GALNTL6: variants seen among roughly 807,000 people sequenced by gnomAD.
The protein encoded by GALNTL6 is polypeptide N-acetylgalactosaminyltransferase-like 6.
A neutral mutation model predicts 73.7 loss-of-function variants in GALNTL6; 46 were observed. The observed-to-expected ratio is 0.62, with a 90% CI of 0.49 to 0.80. The LOEUF (loss-of-function observed/expected upper bound fraction) is 0.80, where lower values mean the gene tolerates loss of function less well. Ranked by LOEUF, GALNTL6 falls within the 30% of genes least tolerant of loss-of-function variation. The pLI, the probability that GALNTL6 is intolerant of heterozygous loss-of-function variation, is 0.00. For missense variants in GALNTL6, 604 were observed against 755.0 expected (o/e 0.80, Z 2.34); for synonymous variants, 259 against 263.7 (o/e 0.98, Z 0.17).
intron 5 of GALNTL6, among the ~76,000 whole-genome samples, chr4:172,640,899 A>G (rs1158987938): frequency 6.6e-6 from 1 of 152,100 alleles, no homozygotes; most frequent in Non-Finnish European, 1.5e-5. Context: ...AGATTCATAT[A>G]TATGATAGTT....
intron 5 of GALNTL6, among the ~76,000 whole-genome samples, chr4:172,753,262 T>C (rs1053491687): frequency 1.3e-5 from 2 of 152,160 alleles, no homozygotes; most frequent in Non-Finnish European, 2.9e-5. Flanking sequence ...TCTGCCATGA[T>C]TGTGAAGCCC....
chr4:171,926,440 A>T (rs957268758), intron 2 of GALNTL6, among the ~76,000 whole-genome samples: 7 of 152,004 alleles, frequency 4.6e-5, no homozygotes, highest in African/African-American at 1.7e-4. Context: ...TGTTTCTCTA[A>T]TGTGTCTCTG....
Position 172,308,790 on chromosome 4 carries a change from C to T in GALNTL6, c.248-2824C>T, listed in dbSNP as rs567115710. Among the ~76,000 whole-genome samples the T allele has an allele frequency of 1.2e-4, 19 of 152,210 alleles. No homozygotes were observed. In the South Asian group the frequency reaches 3.3e-3, roughly 27 times the overall value. ...TTTATGTCGTTTAAACATTTCCGCACGTTATATGGCTAATTTCTAACTATG... is the reference window on the plus strand; with the variant it reads ...TTTATGTCGTTTAAACATTTCCGCATGTTATATGGCTAATTTCTAACTATG... On this transcript the variant is annotated intron_variant, in intron 3 of 12. Coordinates refer to ENST00000506823, the MANE Select transcript of GALNTL6 (RefSeq NM_001034845.3).
intron 8 of GALNTL6, among the ~76,000 whole-genome samples, chr4:172,893,260 A>T (rs1010327086): frequency 6.6e-6 from 1 of 152,084 alleles, no homozygotes; most frequent in African/African-American, 2.4e-5. Flanking sequence ...ACCCTTCCCA[A>T]AACAGTGTTG....
intron 2 of GALNTL6, among the ~76,000 whole-genome samples, chr4:172,148,512 A>G (rs1476452613): frequency 1.3e-5 from 2 of 152,232 alleles, no homozygotes; most frequent in Non-Finnish European, 2.9e-5. Flanking sequence ...AAAAGAGAAC[A>G]TAAGGCACTG....
At chr4:171,939,000 G>A (rs13144190) in intron 2 of GALNTL6, among the ~76,000 whole-genome samples, 1 of 151,966 alleles carries the variant, frequency 6.6e-6, no homozygotes. Context: ...CACAATAGTA[G>A]GTGGTGGTTG....
chr4:172,760,839 C>T (rs1384113727), intron 5 of GALNTL6, among the ~76,000 whole-genome samples: 3 of 152,282 alleles, frequency 2.0e-5, no homozygotes, highest in Non-Finnish European at 4.4e-5. Flanking sequence ...TAGGGCCTTT[C>T]GTGATTGGTG....
rs114409102 is a variant in GALNTL6 at position 172,089,560 on chromosome 4, T to C, written c.139-140096T>C. ...TGTTTGGAGATTCATAGCCCAATAT[T>C]GGAGGAAACTGAATATTCAGGATTA... is the stretch of plus-strand genomic sequence containing the variant. On this transcript the variant is annotated intron_variant, in intron 2 of 12. Transcript: ENST00000506823. 8.2e-3 allele frequency among the ~76,000 whole-genome samples: 1,252 copies of C among 152,130 alleles called. 19 individuals are homozygous for C. Among genetic ancestry groups the C allele is most frequent in the African/African-American group, 0.028 (1,178 of 41,488 alleles).
At chr4:172,180,417 G>A (rs1017767221) in intron 2 of GALNTL6, among the ~76,000 whole-genome samples, 1 of 147,760 alleles carries the variant, frequency 6.8e-6, no homozygotes, top group South Asian at 2.1e-4. Flanking sequence ...TCTGGTGATA[G>A]TTTTTTTTTT....
chr4:172,368,651 G>A (rs1380369025), intron 5 of GALNTL6, among the ~76,000 whole-genome samples: 4 of 151,882 alleles, frequency 2.6e-5, no homozygotes, highest in East Asian at 1.9e-4. Flanking sequence ...ATGAAGCCGC[G>A]GACCCTTGCA....
At chr4:172,265,347 G>A (rs1579313978) in intron 3 of GALNTL6, among the ~76,000 whole-genome samples, 1 of 152,146 alleles carries the variant, frequency 6.6e-6, no homozygotes, top group East Asian at 1.9e-4. Flanking sequence ...AAAAGAGAAG[G>A]GAGCCTTGTA....
chr4:172,079,878 A>T (rs1731825681), intron 2 of GALNTL6, among the ~76,000 whole-genome samples: 2 of 151,904 alleles, frequency 1.3e-5, no homozygotes, highest in African/African-American at 2.4e-5. Context: ...TTTAAAAAAA[A>T]TTTGATTGAT....
At chr4:172,530,464 T>C (rs561557143) in intron 5 of GALNTL6, among the ~76,000 whole-genome samples, 1 of 152,344 alleles carries the variant, frequency 6.6e-6, no homozygotes, top group Admixed American at 6.5e-5. Context: ...TTCTTGGCTT[T>C]TGAATAAGAC....
intron 2 of GALNTL6, among the ~76,000 whole-genome samples, chr4:172,177,382 G>A (rs1735032799): frequency 6.6e-6 from 1 of 151,996 alleles, no homozygotes; most frequent in African/African-American, 2.4e-5. Context: ...TAATGAATAG[G>A]TATTACCTCC....
intron 2 of GALNTL6, among the ~76,000 whole-genome samples, chr4:171,904,636 A>T (rs1369059688): frequency 6.6e-6 from 1 of 152,176 alleles, no homozygotes; most frequent in Non-Finnish European, 1.5e-5. Context: ...TTCAGGAAAT[A>T]CAGAGAATGC....
At chr4:172,008,545 A>G (rs1450211027) in intron 2 of GALNTL6, among the ~76,000 whole-genome samples, 2 of 152,008 alleles carry the variant, frequency 1.3e-5, no homozygotes, top group Admixed American at 1.3e-4. Flanking sequence ...ACTTACTCCA[A>G]TAATTAGTCA....
At chr4:172,794,205 A>C (rs1740144791) in intron 5 of GALNTL6, among the ~76,000 whole-genome samples, 1 of 152,208 alleles carries the variant, frequency 6.6e-6, no homozygotes, top group African/African-American at 2.4e-5. Context: ...CATTTTGCAA[A>C]TACATTTTAC....
rs540936664 is a variant in GALNTL6, at chr4:172,958,600, T to C, written c.1371+6342T>C. 2.0e-5 allele frequency among the ~76,000 whole-genome samples: 3 copies of C among 152,156 alleles called. No individual in the cohort carries two copies. The South Asian group carries it at 6.2e-4, about 32-fold the overall frequency. On this transcript the variant is annotated intron_variant, in intron 10 of 12. Transcript: ENST00000506823. ...AGGAGTTGTTGTTTTGTAGAAGGTG[T>C]TGGGGTTTGAGAGATCAGTCAGACA...
chr4:172,412,210 A>C (rs1209923409), intron 5 of GALNTL6, among the ~76,000 whole-genome samples: 1 of 151,852 alleles, frequency 6.6e-6, no homozygotes, highest in Non-Finnish European at 1.5e-5. Context: ...CTCTTGGTTA[A>C]TTTTTCTATT....
Sources: gnomAD v4.1 joint callset for allele counts (sites outside exome capture counted in the v4.1 genomes callset) on GRCh38, gnomAD v4.1.1 for gene constraint, MANE v1.5 for transcripts, NCBI Gene and HGNC (gene_info 2026-07-23, HGNC 2026-07-21) for gene names.